Variants in ZNF428 observed in about 807,000 individuals in gnomAD.
The protein encoded by ZNF428 is enzyme-like protein PIT13.
In ZNF428, 5 loss-of-function variants were observed where a neutral mutation model predicts 15.6. That is an observed-to-expected ratio of 0.32 (90% CI 0.17 to 0.67). ZNF428 has a LOEUF of 0.67. Among genes scored for constraint, ZNF428 ranks in the 30% least tolerant of loss-of-function variants. The pLI is 0.73. For synonymous variants in ZNF428, 97 were observed against 102.2 expected (o/e 0.95, Z 0.31); for missense variants, 237 against 256.0 (o/e 0.93, Z 0.51).
Position 43,614,188 on chromosome 19 carries a change from T to C in ZNF428, c.76+41A>G, listed in dbSNP as rs536618163. Reference sequence around the variant, plus strand: ...GTGGGGGCCAAACCCTAAGCCAGGATGACAGTCAAGCCGACGCCACCACCT... The same window carrying C: ...GTGGGGGCCAAACCCTAAGCCAGGACGACAGTCAAGCCGACGCCACCACCT... On this transcript the variant is annotated intron_variant, in intron 2 of 2. Transcript: ENST00000300811. 20 of 1,614,102 alleles carry C rather than the reference T, an allele frequency of 1.2e-5. No homozygotes were observed. In the South Asian group the frequency reaches 2.1e-4, roughly 17 times the overall value.
chr19:43,614,642 A>C (rs112196425), intron 1 of ZNF428: 11 of 259,686 alleles, frequency 4.2e-5, no homozygotes, highest in African/African-American at 2.3e-4. Context: ...TCTGTTGCCC[A>C]GGCTGGAGTG....
At chr19:43,613,729 T>TA (rs764112382) in intron 2 of ZNF428, 98 of 1,551,140 alleles carry the variant, frequency 6.3e-5, no homozygotes, top group East Asian at 7.3e-5. Flanking sequence ...GCAGACAATC[T>TA]AGAAGCCCCA....
rs569787633 is a variant in ZNF428 at position 43,612,115 on chromosome 19, G to A, written c.76+2114C>T. On this transcript the variant is annotated intron_variant, in intron 2 of 2. Transcript: ENST00000300811. This position sits in a 1 kb window ranked among gnomAD's most constrained non-coding sequence, Gnocchi z 4.2. ...CTTCCAGGACCACAAGCCCTTTTGC[G>A]CCCACCATGTCTTCACCTAAGAGAT... 9.2e-5 allele frequency: 142 copies of A among 1,548,866 alleles called. No homozygotes were observed. Among genetic ancestry groups the A allele is most frequent in the Non-Finnish European group, 1.2e-4 (135 of 1,144,852 alleles).
At chr19:43,618,564 T>C (rs1030343228) in intron 1 of ZNF428, among the ~76,000 whole-genome samples, 8 of 141,578 alleles carry the variant, frequency 5.7e-5, no homozygotes, top group Non-Finnish European at 1.2e-4. Context: ...GCTTAATTTT[T>C]ACTTTTTTTT....
In ZNF428 at chr19:43,607,373, A is replaced by ACG; in HGVS notation, c.*243_*244insCG. ...CCCCAAGAAGGAGCCCAGGGGGAAT[A>ACG]CACACACACACACACACACACAAAC... On this transcript the variant is annotated 3_prime_UTR_variant, in exon 3 of 3. Coordinates refer to ENST00000300811, the MANE Select transcript of ZNF428 (RefSeq NM_182498.4). This position sits in a 1 kb window ranked among gnomAD's most constrained non-coding sequence, Gnocchi z 5.1. 7.5e-6 allele frequency: 1 copy of ACG among 133,924 alleles called. No homozygotes were observed. Among genetic ancestry groups the ACG allele is most frequent in the African/African-American group, 4.3e-5 (1 of 23,248 alleles). The allele number at this position is 133,924 out of a possible 1,614,324, so 8.3% of individuals were successfully genotyped here. A position where few individuals can be genotyped will look rare whatever the true frequency, so the allele number is the denominator to read the frequency against.
intron 2 of ZNF428, chr19:43,613,327 C>G (rs1266947927): frequency 6.4e-7 from 1 of 1,551,130 alleles, no homozygotes; most frequent in Non-Finnish European, 8.7e-7. Context: ...GAGATCACAG[C>G]CGATCTAGAA....
chr19:43,612,728 G>A lies in ZNF428; in HGVS notation c.76+1501C>T, dbSNP rs78973318. 2,462 of 1,551,678 alleles carry A rather than the reference G, an allele frequency of 1.6e-3. 18 individuals are homozygous for A. In the African/African-American group the frequency reaches 0.028, roughly 18 times the overall value. On this transcript the variant is annotated intron_variant, in intron 2 of 2. Transcript: ENST00000300811. The surrounding 1 kb of genome is among the most constrained non-coding windows in gnomAD (Gnocchi z 4.2). ...GAGTTACCGCCCACCAGGAGGCTCA[G>A]GTATAGGGAGGAGTTCCGAGCTGGC... is the stretch of plus-strand genomic sequence containing the variant.
chr19:43,619,346 C>A (rs978826991), intron 1 of ZNF428, among the ~76,000 whole-genome samples: 2 of 152,182 alleles, frequency 1.3e-5, no homozygotes, highest in Admixed American at 1.3e-4. Flanking sequence ...ACTAGCGGAC[C>A]GACTCCCACA....
At chr19:43,615,646 C>T (rs1315193541) in intron 1 of ZNF428, among the ~76,000 whole-genome samples, 5 of 152,008 alleles carry the variant, frequency 3.3e-5, no homozygotes, top group African/African-American at 1.2e-4. Context: ...GTCAAGGCTG[C>T]AGTGAGCCGT....
At chr19:43,611,178 TCTGA>T (rs1973291976) in intron 2 of ZNF428, among the ~76,000 whole-genome samples, 1 of 152,182 alleles carries the variant, frequency 6.6e-6, no homozygotes, top group African/African-American at 2.4e-5. Context: ...ATCTCCCTTA[TCTGA>T]CTGGGAACTC....
At position 43,607,435 on chromosome 19, in the gene ZNF428, A is replaced by T. The variant is rs201204234; in HGVS notation, c.*182T>A. 1.1e-5 allele frequency: 7 copies of T among 658,604 alleles called. No homozygotes were observed. The highest frequency in any genetic ancestry group is 2.2e-5 in the South Asian group (1 of 45,796). The allele number at this position is 658,604 out of a possible 1,614,324, so 40.8% of individuals were successfully genotyped here. ...CGGGAATACACACACACACACACAC[A>T]CTCTGAACCAACACACACAGATACA... On this transcript the variant is annotated 3_prime_UTR_variant, in exon 3 of 3. Transcript: ENST00000300811. This position sits in a 1 kb window ranked among gnomAD's most constrained non-coding sequence, Gnocchi z 5.1.
At chr19:43,611,742 C>T (rs576121637) in intron 2 of ZNF428, among the ~76,000 whole-genome samples, 4 of 152,318 alleles carry the variant, frequency 2.6e-5, no homozygotes, top group East Asian at 1.9e-4. Flanking sequence ...ATGGGCTCCC[C>T]GGCCCCTGCA....
intron 1 of ZNF428, among the ~76,000 whole-genome samples, chr19:43,614,828 C>T (rs1325428052): frequency 6.6e-6 from 1 of 152,158 alleles, no homozygotes; most frequent in Non-Finnish European, 1.5e-5. Context: ...GAACTCCTGA[C>T]CTCAGGTGAT....
Position 43,607,430 on chromosome 19 carries a change from C to A in ZNF428, c.*187G>T. The A allele has an allele frequency of 1.4e-6, 1 of 696,274 alleles. No homozygotes were observed. The highest frequency in any genetic ancestry group is 2.3e-6 in the Non-Finnish European group (1 of 433,490). 43.1% of individuals were successfully genotyped at this position (696,274 alleles called of 1,614,324 possible). A position where few individuals can be genotyped will look rare whatever the true frequency, so the allele number is the denominator to read the frequency against. On this transcript the variant is annotated 3_prime_UTR_variant, in exon 3 of 3. Transcript: ENST00000300811. The surrounding 1 kb of genome is among the most constrained non-coding windows in gnomAD (Gnocchi z 5.1). Reference sequence around the variant, plus strand: ...ACGGGCGGGAATACACACACACACACACACACTCTGAACCAACACACACAG... The same window carrying A: ...ACGGGCGGGAATACACACACACACAAACACACTCTGAACCAACACACACAG...
At chr19:43,609,291 T>C (rs1973271001) in intron 2 of ZNF428, among the ~76,000 whole-genome samples, 1 of 150,418 alleles carries the variant, frequency 6.6e-6, no homozygotes, top group South Asian at 2.1e-4. Context: ...AGACAACCAT[T>C]TGAAAAGGTA....
intron 2 of ZNF428, chr19:43,613,603 G>C: frequency 4.5e-6 from 7 of 1,550,224 alleles, no homozygotes; most frequent in Non-Finnish European, 6.1e-6. Flanking sequence ...CCAGCAAAGA[G>C]AGAGATCACA....
At chr19:43,617,635 A>G (rs1973384684) in intron 1 of ZNF428, among the ~76,000 whole-genome samples, 1 of 152,250 alleles carries the variant, frequency 6.6e-6, no homozygotes, top group African/African-American at 2.4e-5. Flanking sequence ...TGGGAATTCT[A>G]CTTTATACCA....
chr19:43,613,915 C>A (rs761541559), intron 2 of ZNF428: 1 of 1,551,652 alleles, frequency 6.4e-7, no homozygotes, highest in Non-Finnish European at 8.7e-7. Flanking sequence ...GATCTAGAAG[C>A]CCCAATAAGC....
In ZNF428 at chr19:43,608,104, G is replaced by A; in HGVS notation, c.80C>T (p.Pro27Leu). 2.5e-6 allele frequency: 4 copies of A among 1,610,736 alleles called. No homozygotes were observed. The highest frequency in any genetic ancestry group is 3.4e-6 in the Non-Finnish European group (4 of 1,178,160). The change falls in exon 3 of 3, where the codon CCC becomes CTC. Residue 27 changes from proline (P) to leucine (L), a missense_variant. By Grantham distance (98) the Pro-to-Leu change is moderately conservative. Transcript: ENST00000300811. ...GTATTCTGAATCAGAGGAATGCTCG[G>A]GGCCTGGAGGGGGACAGACAGGGGA... ...EEDDEDLSPG[P>L]EHSSDSEYTL...
Sources: allele counts gnomAD v4.1 joint callset (sites outside exome capture counted in the v4.1 genomes callset), GRCh38; gene constraint gnomAD v4.1.1; non-coding constraint Gnocchi (gnomAD v3.1); transcripts MANE v1.5; gene names NCBI Gene and HGNC (gene_info 2026-07-23, HGNC 2026-07-21).